Variants in OXR1 observed in about 807,000 individuals in gnomAD.
OXR1 encodes oxidation resistance 1.
A neutral mutation model predicts 104.6 loss-of-function variants in OXR1; 41 were observed. That is an observed-to-expected ratio of 0.39 (90% CI 0.31 to 0.51). OXR1 has a LOEUF of 0.51. OXR1 is among the 20% of genes least tolerant of loss of function. The pLI, the probability that OXR1 is intolerant of heterozygous loss-of-function variation, is 0.77. For synonymous variants in OXR1, 348 were observed against 348.4 expected, an observed-to-expected ratio of 1.00 and a Z score of 0.01; for missense variants, 955 against 1,031.9, an observed-to-expected ratio of 0.93 and a Z score of 1.02.
At chr8:106,451,896 C>A (rs1382429792) in intron 2 of OXR1, among the ~76,000 whole-genome samples, 1 of 152,150 alleles carries the variant, frequency 6.6e-6, no homozygotes, top group Non-Finnish European at 1.5e-5. Flanking sequence ...GAGTTACATG[C>A]TTAAAAACAA....
At chr8:106,446,676 A>G (rs1015752575) in intron 2 of OXR1, among the ~76,000 whole-genome samples, 1 of 151,968 alleles carries the variant, frequency 6.6e-6, no homozygotes, top group Non-Finnish European at 1.5e-5. Context: ...CATGCCTGCT[A>G]TTACAGCTCT....
chr8:106,670,350 T>C (rs776947), intron 3 of OXR1, among the ~76,000 whole-genome samples: 135,386 of 152,234 alleles, frequency 0.89, 60,486 homozygotes, highest in African/African-American at 0.97. Flanking sequence ...CATTAATTCT[T>C]TCTGGAGAAT....
chr8:106,726,131 T>G, intron 11 of OXR1: 5 of 1,417,696 alleles, frequency 3.5e-6, no homozygotes, highest in Non-Finnish European at 3.7e-6. Context: ...AGCAAACTGT[T>G]TTGTCACTGT....
chr8:106,537,386 C>T (rs890036944), intron 3 of OXR1, among the ~76,000 whole-genome samples: 3 of 151,990 alleles, frequency 2.0e-5, no homozygotes, highest in Non-Finnish European at 4.4e-5. Flanking sequence ...TGTAAATGTC[C>T]CAAGGCAAGT....
At chr8:106,615,933 G>A (rs1821182837) in intron 3 of OXR1, among the ~76,000 whole-genome samples, 1 of 151,908 alleles carries the variant, frequency 6.6e-6, no homozygotes, top group African/African-American at 2.4e-5. Context: ...GTTATCATTG[G>A]CATTACTTTA....
intron 1 of OXR1, among the ~76,000 whole-genome samples, chr8:106,353,501 A>G (rs1815825994): frequency 6.6e-6 from 1 of 152,078 alleles, no homozygotes; most frequent in Non-Finnish European, 1.5e-5. Context: ...ATTCAAGTGT[A>G]AGAATATAAT....
chr8:106,694,393 T>TTATATATTTATA (rs1213734676), intron 7 of OXR1, among the ~76,000 whole-genome samples: 4 of 141,852 alleles, frequency 2.8e-5, no homozygotes, highest in East Asian at 4.0e-4. Context: ...TTGCCATACA[T>TTATATATTTATA]TATATATTTA....
intron 3 of OXR1, among the ~76,000 whole-genome samples, chr8:106,550,384 A>G (rs139336690): frequency 4.1e-4 from 62 of 152,346 alleles, no homozygotes; most frequent in African/African-American, 1.4e-3. Flanking sequence ...GGGAGGCCTC[A>G]TGAAACTTAC....
chr8:106,517,162 A>G (rs908495393), intron 2 of OXR1, among the ~76,000 whole-genome samples: 3 of 152,196 alleles, frequency 2.0e-5, no homozygotes, highest in Admixed American at 6.5e-5. Flanking sequence ...ACAAAACATT[A>G]CCAGAATCCC....
chr8:106,536,590 A>C (rs1814556155), intron 3 of OXR1, among the ~76,000 whole-genome samples: 1 of 152,224 alleles, frequency 6.6e-6, no homozygotes, highest in Non-Finnish European at 1.5e-5. Context: ...TAGCATTTAC[A>C]TAGCAATCTC....
chr8:106,349,093 G>T (rs1815615936), intron 1 of OXR1, among the ~76,000 whole-genome samples: 2 of 152,080 alleles, frequency 1.3e-5, no homozygotes, highest in Admixed American at 1.3e-4. Flanking sequence ...TCAGTGGAGA[G>T]GATTCAAGTA....
At chr8:106,399,997 T>G (rs1193670147) in intron 2 of OXR1, among the ~76,000 whole-genome samples, 1 of 152,206 alleles carries the variant, frequency 6.6e-6, no homozygotes, top group Non-Finnish European at 1.5e-5. Context: ...TTATATGTGT[T>G]GTGGCCCTTC....
intron 3 of OXR1, among the ~76,000 whole-genome samples, chr8:106,545,170 T>TCACC (rs1338080080): frequency 6.6e-6 from 1 of 152,126 alleles, no homozygotes; most frequent in Non-Finnish European, 1.5e-5. Context: ...GGGGGCAAAG[T>TCACC]CACCCCTGGT....
At chr8:106,298,477 C>G (rs1813097615) in intron 1 of OXR1, among the ~76,000 whole-genome samples, 1 of 152,148 alleles carries the variant, frequency 6.6e-6, no homozygotes, top group South Asian at 2.1e-4. Context: ...ATTATGGGAG[C>G]TACAGTTCAA....
chr8:106,538,699 T>C (rs1814730041), intron 3 of OXR1, among the ~76,000 whole-genome samples: 1 of 152,210 alleles, frequency 6.6e-6, no homozygotes, highest in African/African-American at 2.4e-5. Context: ...ATGTATGCTC[T>C]TTGTTTTGGT....
chr8:106,337,575 T>G (rs1258509486), intron 1 of OXR1, among the ~76,000 whole-genome samples: 1 of 152,192 alleles, frequency 6.6e-6, no homozygotes, highest in Non-Finnish European at 1.5e-5. Flanking sequence ...CATAGGAAAC[T>G]CTCATTATGA....
intron 3 of OXR1, among the ~76,000 whole-genome samples, chr8:106,664,864 A>G (rs896772810): frequency 6.6e-6 from 1 of 152,204 alleles, no homozygotes. Flanking sequence ...GACATCATCA[A>G]TAGGTTTGTG....
In OXR1 at chr8:106,306,627, G is replaced by T. The variant is rs1813476051; in HGVS notation, c.-139+36260G>T. ...GGTGTACTGTTATACACAAAAACAT[G>T]GATGTCTCCATGACTTTACTTTGAG... is the stretch of plus-strand genomic sequence containing the variant. On this transcript the variant is annotated intron_variant, in intron 1 of 16. Transcript: ENST00000517566. Among the ~76,000 whole-genome samples the T allele has an allele frequency of 2.6e-5, 4 of 152,214 alleles. No individual in the cohort carries two copies. The South Asian group carries it at 8.3e-4, about 32-fold the overall frequency.
rs531853021 is a variant in OXR1, at chr8:106,587,853, C to T, written c.220+68714C>T. Among the ~76,000 whole-genome samples, 15 of 152,130 alleles carry T rather than the reference C, an allele frequency of 9.9e-5. No individual in the cohort carries two copies. In the South Asian group the frequency reaches 3.1e-3, roughly 32 times the overall value. On this transcript the variant is annotated intron_variant, in intron 3 of 16. Transcript: ENST00000517566. ...AGGAAAAGAAAATGGTACTAGGATGCCTAGTACAGAGAAGGAAAAGATAGA... is the reference window on the plus strand; with the variant it reads ...AGGAAAAGAAAATGGTACTAGGATGTCTAGTACAGAGAAGGAAAAGATAGA...
Sources: allele counts gnomAD v4.1 joint callset (sites outside exome capture counted in the v4.1 genomes callset), GRCh38; gene constraint gnomAD v4.1.1; transcripts MANE v1.5; gene names NCBI Gene and HGNC (gene_info 2026-07-23, HGNC 2026-07-21).